The following IKZF2 variants were observed in gnomAD, a reference collection of about 807,000 sequenced individuals.
IKZF2 encodes the protein zinc finger protein Helios.
A neutral mutation model predicts 49.2 loss-of-function variants in IKZF2; 15 were observed. The ratio of observed to expected loss-of-function variants is 0.30; its 90% confidence interval spans 0.20 to 0.47. The LOEUF is 0.47. Among genes scored for constraint, IKZF2 ranks in the 20% least tolerant of loss-of-function variants. IKZF2 has a pLI of 1.00. For synonymous variants in IKZF2, 227 were observed against 221.4 expected (o/e 1.03, Z -0.23); for missense variants, 567 against 664.6 (o/e 0.85, Z 1.61).
rs1553539320 is a variant in IKZF2, at chr2:213,005,188, G to GGGT, written c.*2169_*2171dup. 1.6e-5 allele frequency: 2 copies of GGGT among 127,056 alleles called. No individual in the cohort carries two copies. The highest frequency in any genetic ancestry group is 5.5e-5 in the African/African-American group (2 of 36,418). The allele number at this position is 127,056 out of a possible 1,614,324, so 7.9% of individuals were successfully genotyped here. On this transcript the variant is annotated 3_prime_UTR_variant, in exon 9 of 9. Transcript: ENST00000434687. ...TCCCAATTATTATTTGGGAGTGGTT[G>GGGT]GGTGGGGGGGGGTGAGCGAGTCTCA...
At chr2:213,071,754 A>G (rs1426936692) in intron 4 of IKZF2, among the ~76,000 whole-genome samples, 1 of 152,122 alleles carries the variant, frequency 6.6e-6, no homozygotes, top group Non-Finnish European at 1.5e-5. Context: ...AAAGCAGAAT[A>G]TTTACTGTTG....
At chr2:213,062,889 G>T (rs1701837859) in intron 4 of IKZF2, among the ~76,000 whole-genome samples, 1 of 151,914 alleles carries the variant, frequency 6.6e-6, no homozygotes, top group African/African-American at 2.4e-5. Context: ...TAAATAATGT[G>T]TTAGGAAAAC....
chr2:213,064,400 G>C (rs1041851442), intron 4 of IKZF2, among the ~76,000 whole-genome samples: 2 of 151,932 alleles, frequency 1.3e-5, no homozygotes, highest in South Asian at 2.1e-4. Flanking sequence ...AGACCAAAAA[G>C]TTTCCTCCCT....
chr2:213,033,442 G>T (rs1326943198), intron 6 of IKZF2, among the ~76,000 whole-genome samples: 3 of 152,168 alleles, frequency 2.0e-5, no homozygotes, highest in African/African-American at 7.2e-5. Flanking sequence ...CACTGTCTAT[G>T]GCACCTCTAG....
intron 4 of IKZF2, among the ~76,000 whole-genome samples, chr2:213,129,579 T>C (rs981594621): frequency 1.3e-5 from 2 of 151,980 alleles, no homozygotes; most frequent in Non-Finnish European, 2.9e-5. Context: ...CTTTAGGACC[T>C]TACAGACTTT....
chr2:213,080,935 T>C (rs541981663), intron 4 of IKZF2, among the ~76,000 whole-genome samples: 8 of 152,312 alleles, frequency 5.3e-5, no homozygotes, highest in African/African-American at 1.7e-4. Context: ...TTAGTCCTAA[T>C]CATTAAATAT....
intron 4 of IKZF2, among the ~76,000 whole-genome samples, chr2:213,122,003 CAT>C (rs1376715833): frequency 1.3e-5 from 2 of 152,064 alleles, no homozygotes; most frequent in Non-Finnish European, 2.9e-5. Context: ...AAAATATTCA[CAT>C]GATTTTATAA....
intron 4 of IKZF2, among the ~76,000 whole-genome samples, chr2:213,126,077 T>C (rs879410422): frequency 2.0e-5 from 3 of 152,190 alleles, no homozygotes; most frequent in Non-Finnish European, 4.4e-5. Flanking sequence ...TGTTCCTATA[T>C]CATTTTTACC....
chr2:213,055,457 T>TA (rs149807404), intron 5 of IKZF2, among the ~76,000 whole-genome samples: 35,224 of 151,752 alleles, frequency 0.23, 4,526 homozygotes, highest in Non-Finnish European at 0.28. Context: ...AAAAAGGAGA[T>TA]AAAAAACGAA....
At chr2:213,112,393 C>T (rs887823904) in intron 4 of IKZF2, among the ~76,000 whole-genome samples, 1 of 126,620 alleles carries the variant, frequency 7.9e-6, no homozygotes, top group Non-Finnish European at 1.9e-5. Flanking sequence ...CTATGTATGT[C>T]TAAATACATA....
chr2:213,070,348 T>C (rs942629389), intron 4 of IKZF2, among the ~76,000 whole-genome samples: 1 of 152,138 alleles, frequency 6.6e-6, no homozygotes, highest in Non-Finnish European at 1.5e-5. Flanking sequence ...AATTAAGGAA[T>C]AGAATCCTGA....
intron 4 of IKZF2, among the ~76,000 whole-genome samples, chr2:213,067,396 G>A (rs952304475): frequency 2.0e-5 from 3 of 151,956 alleles, no homozygotes; most frequent in Non-Finnish European, 4.4e-5. Context: ...AGAACTAGAT[G>A]GCACTCAAGA....
chr2:213,085,891 ACT>A (rs752003616), intron 4 of IKZF2, among the ~76,000 whole-genome samples: 2 of 152,166 alleles, frequency 1.3e-5, no homozygotes, highest in Non-Finnish European at 2.9e-5. Flanking sequence ...AAAGAGATGG[ACT>A]TTACTCACTG....
chr2:213,094,344 T>C (rs1705706617), intron 4 of IKZF2, among the ~76,000 whole-genome samples: 1 of 152,158 alleles, frequency 6.6e-6, no homozygotes, highest in South Asian at 2.1e-4. Flanking sequence ...GATAGCTACG[T>C]ATTTAACAAT....
At chr2:213,127,575 TGTA>T (rs1356537210) in intron 4 of IKZF2, among the ~76,000 whole-genome samples, 1 of 152,200 alleles carries the variant, frequency 6.6e-6, no homozygotes, top group African/African-American at 2.4e-5. Flanking sequence ...ATTTTCCAGC[TGTA>T]GTAGTATAGA....
At chr2:213,011,890 G>A (rs1391852765) in intron 8 of IKZF2, among the ~76,000 whole-genome samples, 1 of 152,012 alleles carries the variant, frequency 6.6e-6, no homozygotes, top group Non-Finnish European at 1.5e-5. Context: ...ATCAGGAGAA[G>A]GGGATGATAG....
rs967170624 is a variant in IKZF2, at chr2:213,004,633, C to T, written c.*2727G>A. ...TTATGTTTATTTTTAGATGCTACAA[C>T]CTTGCGTATTTCCTTTTGAAGAAAA... is the stretch of plus-strand genomic sequence containing the variant. On this transcript the variant is annotated 3_prime_UTR_variant, in exon 9 of 9. Transcript: ENST00000434687. 1 of 151,918 alleles carries T rather than the reference C, an allele frequency of 6.6e-6. No homozygotes were observed. 9.4% of individuals were successfully genotyped at this position (151,918 alleles called of 1,614,324 possible). A position where few individuals can be genotyped will look rare whatever the true frequency, so the allele number is the denominator to read the frequency against.
At chr2:213,040,888 C>T (rs1699565804) in intron 6 of IKZF2, among the ~76,000 whole-genome samples, 1 of 152,130 alleles carries the variant, frequency 6.6e-6, no homozygotes, top group South Asian at 2.1e-4. Context: ...GAGGCTGAGG[C>T]AGGCGAATCA....
In IKZF2 at chr2:213,004,398, T is replaced by A. The variant is rs1426999436; in HGVS notation, c.*2962A>T. On this transcript the variant is annotated 3_prime_UTR_variant, in exon 9 of 9. Transcript: ENST00000434687. ...CAATTAGAATGGCTTTTGAGCATGA[T>A]TCATCACTGTCAGAGAGAGGCTAAG... is the stretch of plus-strand genomic sequence containing the variant. The A allele has an allele frequency of 6.6e-6, 1 of 151,914 alleles. No individual in the cohort carries two copies. The highest frequency in any genetic ancestry group is 1.5e-5 in the Non-Finnish European group (1 of 67,882). The allele number at this position is 151,914 out of a possible 1,614,324, so 9.4% of individuals were successfully genotyped here.
Sources: gnomAD v4.1 joint callset for allele counts (sites outside exome capture counted in the v4.1 genomes callset) on GRCh38, gnomAD v4.1.1 for gene constraint, MANE v1.5 for transcripts, NCBI Gene and HGNC (gene_info 2026-07-23, HGNC 2026-07-21) for gene names.